Variants in LPAR6 observed in about 807,000 individuals in gnomAD.
LPAR6 encodes the protein lysophosphatidic acid receptor 6, also known as G-protein coupled purinergic receptor P2Y5.
Under a neutral mutation model 22.0 loss-of-function variants are expected in LPAR6, and 17 were observed. That is an observed-to-expected ratio of 0.77 (90% CI 0.53 to 1.16). The LOEUF (loss-of-function observed/expected upper bound fraction) is 1.16, where lower values mean the gene tolerates loss of function less well. Ranked by LOEUF, LPAR6 falls within the 50% of genes most tolerant of loss-of-function variation. LPAR6 has a pLI of 0.00. For synonymous variants in LPAR6, 136 were observed against 139.8 expected, an observed-to-expected ratio of 0.97 and a Z score of 0.19; for missense variants, 384 against 406.9, an observed-to-expected ratio of 0.94 and a Z score of 0.48.
chr13:48,441,750 T>TTA (rs750333772), intron 1 of LPAR6, among the ~76,000 whole-genome samples: 12 of 152,236 alleles, frequency 7.9e-5, no homozygotes, highest in Non-Finnish European at 1.8e-4. Flanking sequence ...TATCATAGAA[T>TTA]TATATATATG....
intron 1 of LPAR6, among the ~76,000 whole-genome samples, chr13:48,391,983 A>G (rs1409346932): frequency 6.6e-6 from 1 of 152,172 alleles, no homozygotes; most frequent in African/African-American, 2.4e-5. Flanking sequence ...TTATGTCTGG[A>G]AAAAAACATT....
At chr13:48,419,232 T>A (rs1948966135) in intron 2 of LPAR6, among the ~76,000 whole-genome samples, 1 of 152,168 alleles carries the variant, frequency 6.6e-6, no homozygotes, top group Admixed American at 6.5e-5. Context: ...ATTAAGAAAC[T>A]CACTCAAACC....
intron 1 of LPAR6, chr13:48,439,894 C>T (rs1949219820): frequency 6.6e-6 from 1 of 152,038 alleles, no homozygotes; most frequent in African/African-American, 2.4e-5. Flanking sequence ...AAATTTATAT[C>T]AGAATTAGAA....
At chr13:48,409,222 C>T (rs1234738084), downstream of LPAR6, among the ~76,000 whole-genome samples, 5 of 147,220 alleles carry the variant, frequency 3.4e-5, no homozygotes, top group Admixed American at 1.4e-4. Flanking sequence ...GATCATATCT[C>T]ACTCTAACTT....
chr13:48,403,950 G>A (rs373514896), intron 1 of LPAR6, among the ~76,000 whole-genome samples: 3 of 152,104 alleles, frequency 2.0e-5, no homozygotes, highest in South Asian at 2.1e-4. Context: ...GCAGGGAGCC[G>A]TGACTGCACT....
At chr13:48,415,452 G>A (rs759861559), upstream of LPAR6, among the ~76,000 whole-genome samples, 85 of 151,924 alleles carry the variant, frequency 5.6e-4, no homozygotes, top group Non-Finnish European at 9.7e-4. Context: ...GCTAATTTTT[G>A]TATTTTTAGT....
Position 48,411,690 on chromosome 13 carries a change from T to A in LPAR6, c.734A>T (p.Tyr245Phe). 1 of 1,609,454 alleles carries A rather than the reference T, an allele frequency of 6.2e-7. No homozygotes were observed. Among genetic ancestry groups the A allele is most frequent in the Non-Finnish European group, 8.5e-7 (1 of 1,176,010 alleles). The change falls in exon 1 of 1, where the codon TAC (tyrosine) becomes TTC (phenylalanine). Residue 245 changes from tyrosine to phenylalanine, a missense_variant. Physicochemically the swap from Tyr to Phe is conservative, Grantham distance 22 (BLOSUM62 3). Coordinates refer to ENST00000620633, the MANE Select transcript of LPAR6 (RefSeq NM_001162498.3). ...LIIFCFCFVPYNINLILYSLV... is the reference protein window; with the variant it reads ...LIIFCFCFVPFNINLILYSLV... ...AGAATATAAAATAAGATTGATATTG[T>A]AAGGAACAAAACAGAAACAGAATAT...
rs1948792785 is a variant in LPAR6 at position 48,411,175 on chromosome 13, A to C, written c.*214T>G. ...ATTTTTTTTAATGAAGGAACAAATC[A>C]AAATGGCTCAGAAAAATCAGATGGA... On this transcript the variant is annotated 3_prime_UTR_variant, in exon 1 of 1. Transcript: ENST00000620633. The C allele has an allele frequency of 2.1e-6, 1 of 465,482 alleles. No individual in the cohort carries two copies. Among genetic ancestry groups the C allele is most frequent in the Admixed American group, 3.5e-5 (1 of 28,412 alleles). The allele number at this position is 465,482 out of a possible 1,614,324, so 28.8% of individuals were successfully genotyped here.
downstream of LPAR6, among the ~76,000 whole-genome samples, chr13:48,409,714 G>A (rs1269952136): frequency 6.6e-6 from 1 of 151,166 alleles, no homozygotes; most frequent in African/African-American, 2.4e-5. Context: ...CCGAGTAGCT[G>A]GGACTACAGG....
chr13:48,391,146 T>C (rs1948607582), intron 1 of LPAR6, among the ~76,000 whole-genome samples: 2 of 152,212 alleles, frequency 1.3e-5, no homozygotes, highest in Admixed American at 1.3e-4. Context: ...TTTTGATTTA[T>C]AATATGAATC....
At chr13:48,400,971 A>G (rs144977946) in intron 1 of LPAR6, among the ~76,000 whole-genome samples, 240 of 152,202 alleles carry the variant, frequency 1.6e-3, no homozygotes, top group African/African-American at 5.4e-3. Flanking sequence ...CCTTCTCAAA[A>G]TGGAAAAAGT....
At chr13:48,397,166 A>T (rs371026681) in intron 1 of LPAR6, among the ~76,000 whole-genome samples, 181 of 152,356 alleles carry the variant, frequency 1.2e-3, no homozygotes, top group African/African-American at 4.0e-3. Context: ...AAGGATTATA[A>T]ATCATTCTAC....
chr13:48,398,772 G>A (rs143855179), intron 1 of LPAR6, among the ~76,000 whole-genome samples: 4 of 152,120 alleles, frequency 2.6e-5, no homozygotes, highest in African/African-American at 7.2e-5. Flanking sequence ...AGGCATATGG[G>A]ACAGTATAAA....
intron 1 of LPAR6, chr13:48,426,721 C>G (rs531329975): frequency 6.6e-6 from 1 of 152,292 alleles, no homozygotes; most frequent in South Asian, 2.1e-4. Context: ...GACTTCTAGT[C>G]AAATGTTCTC....
upstream of LPAR6, among the ~76,000 whole-genome samples, chr13:48,431,201 G>A (rs1176481376): frequency 6.6e-6 from 1 of 152,016 alleles, no homozygotes; most frequent in Non-Finnish European, 1.5e-5. Flanking sequence ...ATATCATTTT[G>A]TCCTTAACTT....
At chr13:48,420,103 A>G (rs1433629005) in intron 2 of LPAR6, among the ~76,000 whole-genome samples, 2 of 152,194 alleles carry the variant, frequency 1.3e-5, no homozygotes, top group Non-Finnish European at 2.9e-5. Flanking sequence ...AATTTCGGCC[A>G]ATATCCTTGA....
chr13:48,392,262 C>T (rs1948616664), intron 1 of LPAR6, among the ~76,000 whole-genome samples: 1 of 152,082 alleles, frequency 6.6e-6, no homozygotes, highest in Non-Finnish European at 1.5e-5. Flanking sequence ...AGGCACATGC[C>T]ACCATGCCCG....
At chr13:48,409,979 T>G (rs1352194550), downstream of LPAR6, among the ~76,000 whole-genome samples, 1 of 152,182 alleles carries the variant, frequency 6.6e-6, no homozygotes, top group Non-Finnish European at 1.5e-5. Context: ...CTATTTTATG[T>G]TTAGTGAAAT....
downstream of LPAR6, among the ~76,000 whole-genome samples, chr13:48,410,478 C>T (rs1167146694): frequency 6.6e-6 from 1 of 152,178 alleles, no homozygotes; most frequent in Non-Finnish European, 1.5e-5. Context: ...TCATAAGCAA[C>T]ACGTGACAGT....
Sources: allele counts gnomAD v4.1 joint callset (sites outside exome capture counted in the v4.1 genomes callset), GRCh38; gene constraint gnomAD v4.1.1; transcripts MANE v1.5; gene names NCBI Gene and HGNC (gene_info 2026-07-23, HGNC 2026-07-21).